The following MAP3K3 variants were observed in gnomAD, a reference collection of about 807,000 sequenced individuals.
The protein encoded by MAP3K3 is mitogen-activated protein kinase kinase kinase 3, also known as MAP/ERK kinase kinase 3.
MAP3K3 carries 12 observed loss-of-function variants against 80.9 expected under a neutral mutation model. The observed-to-expected ratio is 0.15, with a 90% CI of 0.10 to 0.24. The LOEUF is 0.24. MAP3K3 is among the 10% of genes least tolerant of loss of function. The pLI is 1.00. For synonymous variants in MAP3K3, 272 were observed against 307.1 expected, an observed-to-expected ratio of 0.89 and a Z score of 1.19; for missense variants, 596 against 834.7, an observed-to-expected ratio of 0.71 and a Z score of 3.52.
intron 2 of MAP3K3, among the ~76,000 whole-genome samples, chr17:63,641,959 C>G (rs2034451967): frequency 2.0e-5 from 3 of 152,268 alleles, no homozygotes; most frequent in African/African-American, 7.2e-5. Context: ...AGTTGGCCAC[C>G]CACCAGTGTG....
rs959037442 is a variant in MAP3K3, at chr17:63,663,927, T to A, written c.382-3013T>A. 3.9e-5 allele frequency among the ~76,000 whole-genome samples: 6 copies of A among 152,134 alleles called. No individual in the cohort carries two copies. The East Asian group carries it at 1.2e-3, about 29-fold the overall frequency. ...TGTGGCATCTATTATTCTGAAATTG[T>A]GTAGCTTCAAAGCAGATTTTAAAAA... is the stretch of plus-strand genomic sequence containing the variant. On this transcript the variant is annotated intron_variant, in intron 5 of 15. Coordinates refer to ENST00000361733, the MANE Select transcript of MAP3K3 (RefSeq NM_002401.5).
rs1487912806 is a variant in MAP3K3 at position 63,682,559 on chromosome 17, C to T, written c.636+660C>T. On this transcript the variant is annotated intron_variant, in intron 7 of 15. Transcript: ENST00000361733. ...CTGCCTGCCTTTCTTGAGTTTGAGG[C>T]TCTTTTCTAAGCTCAGATGGTTGTT... 3.3e-5 allele frequency: 5 copies of T among 152,080 alleles called. No homozygotes were observed. The South Asian group carries it at 6.2e-4, about 19-fold the overall frequency. 9.4% of individuals were successfully genotyped at this position (152,080 alleles called of 1,614,324 possible).
intron 5 of MAP3K3, among the ~76,000 whole-genome samples, chr17:63,662,246 A>C (rs2034908100): frequency 7.2e-6 from 1 of 139,750 alleles, no homozygotes; most frequent in Admixed American, 7.0e-5. Flanking sequence ...TCTCTATTGA[A>C]AAAAAAAAAA....
intron 6 of MAP3K3, 33 bp downstream of exon 6, chr17:63,667,093 A>G (rs1181939730): frequency 9.7e-6 from 15 of 1,550,820 alleles, no homozygotes; most frequent in Admixed American, 2.3e-5. Context: ...CTCCCCCTCT[A>G]TTTTATCTGC....
chr17:63,689,888 C>T lies in MAP3K3; in HGVS notation c.1063+153C>T. The T allele has an allele frequency of 1.5e-6, 1 of 682,506 alleles. No homozygotes were observed. The highest frequency in any genetic ancestry group is 3.0e-5 in the Admixed American group (1 of 33,438). 42.3% of individuals were successfully genotyped at this position (682,506 alleles called of 1,614,324 possible). On this transcript the variant is annotated intron_variant, in intron 11 of 15. Transcript: ENST00000361733. The surrounding 1 kb of genome is among the most constrained non-coding windows in gnomAD (Gnocchi z 4.3). The stretch of plus-strand genomic sequence containing the variant: ...GGGATAAGCCTTGGAGTGTCTGAAG[C>T]CTGGCTCCACTATTGTGTGACAAGC...
chr17:63,640,951 C>G (rs920563921), intron 2 of MAP3K3, among the ~76,000 whole-genome samples: 12 of 152,306 alleles, frequency 7.9e-5, no homozygotes, highest in African/African-American at 1.4e-4. Flanking sequence ...AGACACCCCC[C>G]ACTCCACTGC....
At position 63,692,417 on chromosome 17, in the gene MAP3K3, G is replaced by A; in HGVS notation, c.1650G>A (p.Val550=). Residue 550 remains valine (V), a splice_region_variant and synonymous_variant, in exon 15 of 16, where the codon GTG becomes GTA. Coordinates refer to ENST00000361733, the MANE Select transcript of MAP3K3 (RefSeq NM_002401.5). This position sits in a 1 kb window ranked among gnomAD's most constrained non-coding sequence, Gnocchi z 4.5. Reference sequence around the variant, plus strand: ...AGGGCTATGGAAGGAAAGCAGACGTGTGGTGAGCACTGGGACATGCAGAAC... The same window carrying A: ...AGGGCTATGGAAGGAAAGCAGACGTATGGTGAGCACTGGGACATGCAGAAC... ...SGEGYGRKAD[V]WSLGCTVVEM... The A allele has an allele frequency of 2.5e-6, 4 of 1,604,446 alleles. No homozygotes were observed. Among genetic ancestry groups the A allele is most frequent in the Non-Finnish European group, 3.4e-6 (4 of 1,174,060 alleles).
At chr17:63,626,897 T>C (rs1257095015) in intron 1 of MAP3K3, among the ~76,000 whole-genome samples, 3 of 152,198 alleles carry the variant, frequency 2.0e-5, no homozygotes, top group African/African-American at 7.2e-5. Flanking sequence ...ACTTTGGGGA[T>C]TGTATCTATG....
chr17:63,664,059 G>A (rs1381762258), intron 5 of MAP3K3, among the ~76,000 whole-genome samples: 2 of 151,526 alleles, frequency 1.3e-5, no homozygotes, highest in Admixed American at 1.3e-4. Flanking sequence ...TGGCTAACAC[G>A]GTGAAACCCC....
rs2034369027 is a variant in MAP3K3 at position 63,638,120 on chromosome 17, G to A, written c.126+5318G>A. ...AAATAAGATATAAAACAACACACAA[G>A]CCTGGCATTATATTTTGTAAGAAGA... On this transcript the variant is annotated intron_variant, in intron 2 of 15. Coordinates refer to ENST00000361733, the MANE Select transcript of MAP3K3 (RefSeq NM_002401.5). 2.6e-5 allele frequency among the ~76,000 whole-genome samples: 4 copies of A among 152,164 alleles called. No homozygotes were observed. The South Asian group carries it at 6.2e-4, about 24-fold the overall frequency.
intron 6 of MAP3K3, among the ~76,000 whole-genome samples, chr17:63,669,744 G>A (rs770461952): frequency 2.7e-5 from 4 of 149,688 alleles, no homozygotes; most frequent in Non-Finnish European, 3.0e-5. Flanking sequence ...GAGCCACCAC[G>A]CCTCAACCTA....
chr17:63,642,738 T>TTTTTG (rs1160800859), intron 2 of MAP3K3, among the ~76,000 whole-genome samples: 6 of 152,140 alleles, frequency 3.9e-5, no homozygotes, highest in Admixed American at 6.5e-5. Context: ...TAACCTCGTT[T>TTTTTG]TTTTGTTTTG....
intron 2 of MAP3K3, among the ~76,000 whole-genome samples, chr17:63,637,428 C>G (rs1016210264): frequency 6.6e-6 from 1 of 152,160 alleles, no homozygotes; most frequent in Non-Finnish European, 1.5e-5. Context: ...GTCATATAAC[C>G]TTTCTGAAGT....
At chr17:63,666,583 C>T (rs2035003968) in intron 5 of MAP3K3, among the ~76,000 whole-genome samples, 1 of 152,168 alleles carries the variant, frequency 6.6e-6, no homozygotes, top group Non-Finnish European at 1.5e-5. Context: ...TAATTTTCTG[C>T]TACTCTTCCT....
rs554240891 is a variant in MAP3K3 at position 63,673,066 on chromosome 17, C to T, written c.502+6006C>T. Among the ~76,000 whole-genome samples, 3 of 152,328 alleles carry T rather than the reference C, an allele frequency of 2.0e-5. No individual in the cohort carries two copies. In the East Asian group the frequency reaches 5.8e-4, roughly 29 times the overall value. On this transcript the variant is annotated intron_variant, in intron 6 of 15. Coordinates refer to ENST00000361733, the MANE Select transcript of MAP3K3 (RefSeq NM_002401.5). ...ACATACATGTGAATATTTAGTGAGTCTGCAGCAAGCAGGCTACTCAGTTCA... is the reference window on the plus strand; with the variant it reads ...ACATACATGTGAATATTTAGTGAGTTTGCAGCAAGCAGGCTACTCAGTTCA...
chr17:63,633,638 C>T (rs1046470635), intron 2 of MAP3K3, among the ~76,000 whole-genome samples: 1 of 152,104 alleles, frequency 6.6e-6, no homozygotes, highest in Admixed American at 6.6e-5. Context: ...GCCTATTTTC[C>T]TTAACATTTA....
At chr17:63,688,919 A>G in intron 10 of MAP3K3, 38 bp downstream of exon 10, 1 of 1,485,532 alleles carries the variant, frequency 6.7e-7, no homozygotes, top group Non-Finnish European at 9.4e-7. Flanking sequence ...TGGCTGCCTC[A>G]AGAAAGGACA....
chr17:63,634,246 A>G (rs551063934), intron 2 of MAP3K3, among the ~76,000 whole-genome samples: 40 of 152,246 alleles, frequency 2.6e-4, no homozygotes, highest in Non-Finnish European at 4.9e-4. Flanking sequence ...GCTTGAGCCT[A>G]ATGACCTCAC....
Position 63,685,534 on chromosome 17 carries a change from C to T in MAP3K3, c.654C>T (p.Ser218=), listed in dbSNP as rs1244759599. 4 of 1,614,026 alleles carry T rather than the reference C, an allele frequency of 2.5e-6. No individual in the cohort carries two copies. Among genetic ancestry groups the T allele is most frequent in the Non-Finnish European group, 3.4e-6 (4 of 1,179,916 alleles). ...TSEQCMLDPL[S]SAENSLSGSC... ...CCTTACAGATGCTGGATCCCCTGAG[C>T]AGTGCAGAAAATTCCTTGTCTGGAA... Residue 218 remains serine (S), a synonymous_variant, in exon 8 of 16, where the codon AGC becomes AGT. Coordinates refer to ENST00000361733, the MANE Select transcript of MAP3K3 (RefSeq NM_002401.5).
Sources: gnomAD v4.1 joint callset for allele counts (sites outside exome capture counted in the v4.1 genomes callset) on GRCh38, gnomAD v4.1.1 for gene constraint, Gnocchi (gnomAD v3.1) non-coding constraint, MANE v1.5 for transcripts, NCBI Gene and HGNC (gene_info 2026-07-23, HGNC 2026-07-21) for gene names.